Variants in EXO1 observed in about 807,000 individuals in gnomAD.
EXO1 encodes the protein exonuclease 1.
EXO1 carries 69 observed loss-of-function variants against 84.5 expected under a neutral mutation model. The ratio of observed to expected loss-of-function variants is 0.82; its 90% CI spans 0.67 to 1.00. EXO1 has a LOEUF of 1.00. Among genes scored for constraint, EXO1 ranks in the 50% least tolerant of loss-of-function variants. EXO1 has a pLI of 0.00. For synonymous variants in EXO1, 373 were observed against 366.1 expected (o/e 1.02, Z -0.21); for missense variants, 1,045 against 1,000.7 (o/e 1.04, Z -0.60).
chr1:241,889,836 G>A lies in EXO1; in HGVS notation c.*236G>A, dbSNP rs536701253. The A allele has an allele frequency of 9.9e-6, 5 of 505,586 alleles. No homozygotes were observed. The highest frequency in any genetic ancestry group is 5.8e-5 in the African/African-American group (3 of 51,838). 31.3% of individuals were successfully genotyped at this position (505,586 alleles called of 1,614,324 possible). ...ATTGTATCTCTGACAGGTTTTTGGA[G>A]GTTTTAGTGTTAATTGGGAAAATCC... On this transcript the variant is annotated 3_prime_UTR_variant, in exon 16 of 16. Transcript: ENST00000366548.
intron 8 of EXO1, among the ~76,000 whole-genome samples, chr1:241,859,990 CT>C (rs1189957693): frequency 6.6e-6 from 1 of 152,154 alleles, no homozygotes. Flanking sequence ...GACCACGTGC[CT>C]TAACTAGCCT....
intron 5 of EXO1, 60 bp downstream of exon 5, chr1:241,852,471 T>A: frequency 6.8e-7 from 1 of 1,477,452 alleles, no homozygotes. Flanking sequence ...CACTGTAGTC[T>A]ATATGATACC....
At chr1:241,852,467 A>G in intron 5 of EXO1, 56 bp downstream of exon 5, 1 of 1,502,832 alleles carries the variant, frequency 6.7e-7, no homozygotes, top group Non-Finnish European at 9.2e-7. Context: ...CAGACACTGT[A>G]GTCTATATGA....
chr1:241,876,474 C>T (rs989169082), intron 12 of EXO1, among the ~76,000 whole-genome samples: 1 of 151,456 alleles, frequency 6.6e-6, no homozygotes, highest in Non-Finnish European at 1.5e-5. Context: ...CCCAGCTTCT[C>T]GGGGGGCCGA....
At chr1:241,857,184 T>C (rs1661102228) in intron 6 of EXO1, among the ~76,000 whole-genome samples, 161 bp from the exon 7 acceptor site, 1 of 152,216 alleles carries the variant, frequency 6.6e-6, no homozygotes, top group African/African-American at 2.4e-5. Flanking sequence ...CAACATATAC[T>C]AAAACTTACA....
At chr1:241,875,590 C>T (rs373600833) in intron 12 of EXO1, among the ~76,000 whole-genome samples, 318 of 152,268 alleles carry the variant, frequency 2.1e-3, no homozygotes, top group African/African-American at 7.4e-3. Flanking sequence ...ATAATATACA[C>T]TGATTGGGCC....
At chr1:241,858,369 T>G (rs1204812662) in intron 7 of EXO1, 137 bp from the exon 8 acceptor site, 5 of 644,000 alleles carry the variant, frequency 7.8e-6, no homozygotes, top group Non-Finnish European at 1.4e-5. Flanking sequence ...TTAGTAATCA[T>G]CAGCCTGTCT....
intron 8 of EXO1, 78 bp from the exon 9 acceptor site, chr1:241,860,439 T>C: frequency 5.2e-6 from 6 of 1,145,288 alleles, no homozygotes; most frequent in South Asian, 1.2e-5. Flanking sequence ...TCTTTATGAA[T>C]GTAAATCAAT....
At chr1:241,867,993 C>T (rs561307834) in intron 11 of EXO1, among the ~76,000 whole-genome samples, 3 of 151,806 alleles carry the variant, frequency 2.0e-5, no homozygotes, top group African/African-American at 7.2e-5. Context: ...ACAACTGCAA[C>T]GTTTTGGGAG....
intron 6 of EXO1, among the ~76,000 whole-genome samples, chr1:241,853,751 A>G (rs1029995999): frequency 1.3e-5 from 2 of 152,124 alleles, no homozygotes; most frequent in African/African-American, 4.8e-5. Context: ...GGTGGCTCAC[A>G]CCAGTAATCC....
chr1:241,868,005 C>T (rs1047533714), intron 11 of EXO1, among the ~76,000 whole-genome samples: 4 of 151,762 alleles, frequency 2.6e-5, no homozygotes, highest in Admixed American at 2.6e-4. Context: ...TTTTGGGAGG[C>T]CAAGGCAGGT....
At chr1:241,860,368 A>G (rs1661312072) in intron 8 of EXO1, 149 bp from the exon 9 acceptor site, 1 of 669,940 alleles carries the variant, frequency 1.5e-6, no homozygotes, top group Non-Finnish European at 2.7e-6. Context: ...GTGATGTAAC[A>G]TGGTTGTGTT....
intron 11 of EXO1, among the ~76,000 whole-genome samples, chr1:241,867,950 A>G (rs1369593771): frequency 6.6e-6 from 1 of 152,074 alleles, no homozygotes; most frequent in Non-Finnish European, 1.5e-5. Flanking sequence ...TAATTTCTAA[A>G]AAAAAAAAGG....
At chr1:241,854,568 T>C (rs548382520) in intron 6 of EXO1, 1 of 152,410 alleles carries the variant, frequency 6.6e-6, no homozygotes, top group South Asian at 2.1e-4. Context: ...CTCTTTTCTG[T>C]ATGGGTCAAG....
At chr1:241,856,112 A>C (rs1360923989) in intron 6 of EXO1, among the ~76,000 whole-genome samples, 2 of 152,368 alleles carry the variant, frequency 1.3e-5, no homozygotes, top group African/African-American at 2.4e-5. Flanking sequence ...GAGGGCTATG[A>C]GTACTGCCAG....
At position 241,879,245 on chromosome 1, in the gene EXO1, G is replaced by T. The variant is rs771175991; in HGVS notation, c.2011G>T (p.Ala671Ser). 1.3e-6 allele frequency: 2 copies of T among 1,599,586 alleles called. No individual in the cohort carries two copies. The highest frequency in any genetic ancestry group is 1.7e-6 in the Non-Finnish European group (2 of 1,173,852). ...TGAGTCTCATCCCTTACGAGAAGAG[G>T]CATGTTCTTCACAGTCCCAGGAAAG... is the stretch of plus-strand genomic sequence containing the variant. ...DDESHPLREE[A>S]CSSQSQESGE... Residue 671 changes from alanine to serine, a missense_variant, in exon 13 of 16, where the codon GCA becomes TCA. Transcript: ENST00000366548.
Position 241,850,589 on chromosome 1 carries a change from A to G in EXO1, c.161+3A>G. The G allele has an allele frequency of 1.2e-6, 2 of 1,612,376 alleles. No homozygotes were observed. Among genetic ancestry groups the G allele is most frequent in the Non-Finnish European group, 1.7e-6 (2 of 1,179,058 alleles). ...GCCAAAGGTGAACCTACTGATAGGT[A>G]AGTCTGGACCTTATGTTAATTCTTT... is the stretch of plus-strand genomic sequence containing the variant. On this transcript the variant is annotated splice_donor_region_variant and intron_variant, in intron 4 of 15. Coordinates refer to ENST00000366548, the MANE Select transcript of EXO1 (RefSeq NM_130398.4).
chr1:241,855,930 G>T (rs558110935), intron 6 of EXO1, among the ~76,000 whole-genome samples: 1 of 152,178 alleles, frequency 6.6e-6, no homozygotes, highest in Non-Finnish European at 1.5e-5. Flanking sequence ...CAAGCACCGC[G>T]CGCAGCCCCA....
intron 15 of EXO1, 36 bp from the exon 16 acceptor site, chr1:241,889,429 T>A: frequency 2.5e-6 from 4 of 1,595,722 alleles, no homozygotes; most frequent in Non-Finnish European, 3.4e-6. Context: ...AATCAGTACC[T>A]TAAAAATACC....
Sources: gnomAD v4.1 joint callset for allele counts (sites outside exome capture counted in the v4.1 genomes callset) on GRCh38, gnomAD v4.1.1 for gene constraint, MANE v1.5 for transcripts, NCBI Gene and HGNC (gene_info 2026-07-23, HGNC 2026-07-21) for gene names.